Variants in SERTAD2 observed in about 807,000 individuals in gnomAD.
SERTAD2 encodes SERTA domain containing 2.
SERTAD2 carries 2 observed loss-of-function variants against 15.4 expected under a neutral mutation model. That is an observed-to-expected ratio of 0.13 (90% CI 0.05 to 0.41). The LOEUF is 0.41. SERTAD2 is among the 10% of genes least tolerant of loss of function. The pLI, the probability that SERTAD2 is intolerant of heterozygous loss-of-function variation, is 0.99. For missense variants in SERTAD2, 333 were observed against 409.7 expected (o/e 0.81, Z 1.62); for synonymous variants, 180 against 178.0 (o/e 1.01, Z -0.09).
Position 64,642,363 on chromosome 2 carries a change from G to A in SERTAD2, c.-4-5488C>T, listed in dbSNP as rs538719665. 4.6e-5 allele frequency among the ~76,000 whole-genome samples: 7 copies of A among 152,130 alleles called. No individual in the cohort carries two copies. In the South Asian group the frequency reaches 1.0e-3, roughly 23 times the overall value. On this transcript the variant is annotated intron_variant, in intron 1 of 1. Transcript: ENST00000313349. ...AGAAAGGAACTGAAACAGTACTTACGTTTAAAAGAGTAAGTAACATCTCCC... is the reference window on the plus strand; with the variant it reads ...AGAAAGGAACTGAAACAGTACTTACATTTAAAAGAGTAAGTAACATCTCCC...
At chr2:64,639,734 G>A (rs542419275) in intron 1 of SERTAD2, among the ~76,000 whole-genome samples, 10 of 152,346 alleles carry the variant, frequency 6.6e-5, no homozygotes, top group African/African-American at 2.2e-4. Flanking sequence ...TACAGGCCAT[G>A]CAAAATATTA....
intron 1 of SERTAD2, chr2:64,644,886 A>G (rs898921538): frequency 1.3e-5 from 2 of 152,442 alleles, no homozygotes; most frequent in African/African-American, 4.8e-5. Flanking sequence ...CTGAGACCCC[A>G]AAACAACTGC....
rs1487535108 is a variant in SERTAD2, at chr2:64,632,019, T to G, written c.*3908A>C. The stretch of plus-strand genomic sequence containing the variant: ...GCTAATTTTCAAGAACCATTCAGAC[T>G]CATTCTTAGAAACACTGAAAACAAT... On this transcript the variant is annotated 3_prime_UTR_variant, in exon 2 of 2. Coordinates refer to ENST00000313349, the MANE Select transcript of SERTAD2 (RefSeq NM_014755.3). The G allele has an allele frequency of 6.5e-6, 1 of 152,684 alleles. No homozygotes were observed. The highest frequency in any genetic ancestry group is 6.5e-5 in the Admixed American group (1 of 15,290). The allele number at this position is 152,684 out of a possible 1,614,324, so 9.5% of individuals were successfully genotyped here.
At chr2:64,651,728 G>A (rs139270879) in intron 1 of SERTAD2, among the ~76,000 whole-genome samples, 7 of 152,292 alleles carry the variant, frequency 4.6e-5, no homozygotes, top group African/African-American at 1.2e-4. Context: ...AGTTCTTCAA[G>A]GGAAACAAGC....
At chr2:64,643,832 C>G (rs947429791) in intron 1 of SERTAD2, among the ~76,000 whole-genome samples, 1 of 152,126 alleles carries the variant, frequency 6.6e-6, no homozygotes, top group Non-Finnish European at 1.5e-5. Flanking sequence ...CGCCACTGCA[C>G]TCCAGCCTGG....
rs1231822260 is a variant in SERTAD2, at chr2:64,633,240, A to T, written c.*2687T>A. On this transcript the variant is annotated 3_prime_UTR_variant, in exon 2 of 2. Transcript: ENST00000313349. ...TCCATGTCTTTCTTGTTAGACTTTG[A>T]GTATCAGGGATTTATGGCAACGGTG... is the stretch of plus-strand genomic sequence containing the variant. 1 of 152,214 alleles carries T rather than the reference A, an allele frequency of 6.6e-6. No individual in the cohort carries two copies. The highest frequency in any genetic ancestry group is 6.5e-5 in the Admixed American group (1 of 15,282). The allele number at this position is 152,214 out of a possible 1,614,324, so 9.4% of individuals were successfully genotyped here. A position where few individuals can be genotyped will look rare whatever the true frequency, so the allele number is the denominator to read the frequency against.
At position 64,635,115 on chromosome 2, in the gene SERTAD2, T is replaced by TGTGTGTGTTTATGGGTGTGTGC. The variant is rs1489059009; in HGVS notation, c.*790_*811dup. ...CACCTGGCCCTTTCTTAAAGCACTG[T>TGTGTGTGTTTATGGGTGTGTGC]GTGTGTGTTTATGGGTGTGTGCATG... On this transcript the variant is annotated 3_prime_UTR_variant, in exon 2 of 2. Coordinates refer to ENST00000313349, the MANE Select transcript of SERTAD2 (RefSeq NM_014755.3). 1.3e-5 allele frequency: 2 copies of TGTGTGTGTTTATGGGTGTGTGC among 152,650 alleles called. No individual in the cohort carries two copies. Among genetic ancestry groups the TGTGTGTGTTTATGGGTGTGTGC allele is most frequent in the African/African-American group, 4.8e-5 (2 of 41,448 alleles). The allele number at this position is 152,650 out of a possible 1,614,324, so 9.5% of individuals were successfully genotyped here.
At chr2:64,643,661 G>A (rs1674825859) in intron 1 of SERTAD2, among the ~76,000 whole-genome samples, 1 of 152,204 alleles carries the variant, frequency 6.6e-6, no homozygotes, top group Admixed American at 6.5e-5. Context: ...GAGGTCAGGA[G>A]ATCGAGACCA....
Position 64,632,032 on chromosome 2 carries a change from C to T in SERTAD2, c.*3895G>A, listed in dbSNP as rs534619953. 6.5e-6 allele frequency: 1 copy of T among 152,740 alleles called. No homozygotes were observed. Among genetic ancestry groups the T allele is most frequent in the South Asian group, 2.1e-4 (1 of 4,830 alleles). 9.5% of individuals were successfully genotyped at this position (152,740 alleles called of 1,614,324 possible). On this transcript the variant is annotated 3_prime_UTR_variant, in exon 2 of 2. Transcript: ENST00000313349. The stretch of plus-strand genomic sequence containing the variant: ...AACCATTCAGACTCATTCTTAGAAA[C>T]ACTGAAAACAATTGTACATAAGCAG...
At chr2:64,639,823 T>C (rs1206287415) in intron 1 of SERTAD2, among the ~76,000 whole-genome samples, 1 of 152,278 alleles carries the variant, frequency 6.6e-6, no homozygotes, top group African/African-American at 2.4e-5. Context: ...GAGAAGCACC[T>C]AATTTCCAAT....
intron 1 of SERTAD2, among the ~76,000 whole-genome samples, chr2:64,651,658 G>C (rs765133600): frequency 2.0e-4 from 30 of 152,066 alleles, no homozygotes; most frequent in Non-Finnish European, 3.5e-4. Flanking sequence ...CTTTAAAGAG[G>C]GACAATTCAG....
At chr2:64,637,090 T>C (rs1674678334) in intron 1 of SERTAD2, among the ~76,000 whole-genome samples, 1 of 152,160 alleles carries the variant, frequency 6.6e-6, no homozygotes, top group African/African-American at 2.4e-5. Flanking sequence ...GTGGAGCAAT[T>C]TTTATCACTA....
At chr2:64,639,977 A>T (rs964832189) in intron 1 of SERTAD2, among the ~76,000 whole-genome samples, 25 of 151,862 alleles carry the variant, frequency 1.6e-4, no homozygotes, top group Non-Finnish European at 1.5e-5. Flanking sequence ...ACACACACCA[A>T]ATCTTGGATG....
intron 1 of SERTAD2, among the ~76,000 whole-genome samples, chr2:64,647,128 A>G (rs1311400544): frequency 2.0e-5 from 3 of 152,210 alleles, no homozygotes; most frequent in African/African-American, 7.2e-5. Context: ...GAGATGATGA[A>G]GCGAGATCAT....
Position 64,636,092 on chromosome 2 carries a change from G to A in SERTAD2, c.780C>T (p.Pro260=). The A allele has an allele frequency of 2.5e-6, 4 of 1,614,184 alleles. No homozygotes were observed. The highest frequency in any genetic ancestry group is 2.2e-5 in the East Asian group (1 of 44,886). The change falls in exon 2 of 2, where the codon CCC becomes CCT. Residue 260 remains proline, a synonymous_variant. Coordinates refer to ENST00000313349, the MANE Select transcript of SERTAD2 (RefSeq NM_014755.3). ...DIDTSMYDFD[P]CTSSSGTASK... is the part of the protein sequence containing the mutation. ...AGGCTGTCCCTGATGAGGAAGTGCA[G>A]GGGTCAAAATCATACATGGACGTAT...
In SERTAD2 at chr2:64,635,828, G is replaced by GA. The variant is rs1218640251; in HGVS notation, c.*98dup. ...CTGTTGTAAAATTTTCTTTTTCTCT[G>GA]AAAAAGGCAAGCAAGGGTGCATGCA... On this transcript the variant is annotated 3_prime_UTR_variant, in exon 2 of 2. Transcript: ENST00000313349. 6.1e-5 allele frequency: 62 copies of GA among 1,010,650 alleles called. No homozygotes were observed. The East Asian group carries it at 1.4e-3, about 24-fold the overall frequency. 62.6% of individuals were successfully genotyped at this position (1,010,650 alleles called of 1,614,324 possible).
rs887821514 is a variant in SERTAD2, at chr2:64,653,770, C to G, written c.-155G>C. ...GGCGAGGCTGAAGCTAAGACTCCGC[C>G]GTTCTCTGCCTGCGCGCCCCGAGCA... On this transcript the variant is annotated 5_prime_UTR_variant, in exon 1 of 2. Coordinates refer to ENST00000313349, the MANE Select transcript of SERTAD2 (RefSeq NM_014755.3). The G allele has an allele frequency of 2.0e-5, 3 of 152,232 alleles. No homozygotes were observed. Among genetic ancestry groups the G allele is most frequent in the Non-Finnish European group, 4.4e-5 (3 of 68,074 alleles). The allele number at this position is 152,232 out of a possible 1,614,324, so 9.4% of individuals were successfully genotyped here.
rs1674605391 is a variant in SERTAD2 at position 64,634,332 on chromosome 2, G to A, written c.*1595C>T. On this transcript the variant is annotated 3_prime_UTR_variant, in exon 2 of 2. Coordinates refer to ENST00000313349, the MANE Select transcript of SERTAD2 (RefSeq NM_014755.3). ...TTTTAAAATTAAATGTACACCACTA[G>A]GAATAAAAAGCTACTTCTCAAGTGT... 1 of 129,584 alleles carries A rather than the reference G, an allele frequency of 7.7e-6. No homozygotes were observed. The allele number at this position is 129,584 out of a possible 1,614,324, so 8.0% of individuals were successfully genotyped here.
At chr2:64,640,122 A>G (rs1206365051) in intron 1 of SERTAD2, among the ~76,000 whole-genome samples, 1 of 152,228 alleles carries the variant, frequency 6.6e-6, no homozygotes, top group Non-Finnish European at 1.5e-5. Flanking sequence ...TATAATCTTG[A>G]TTTTTAATCC....
Sources: allele counts gnomAD v4.1 joint callset (sites outside exome capture counted in the v4.1 genomes callset), GRCh38; gene constraint gnomAD v4.1.1; transcripts MANE v1.5; gene names NCBI Gene and HGNC (gene_info 2026-07-23, HGNC 2026-07-21).